NEGR1: variants seen among roughly 807,000 people sequenced by gnomAD.
The protein encoded by NEGR1 is IgLON family member 4.
NEGR1 carries 10 observed loss-of-function variants against 40.9 expected under a neutral mutation model. The observed-to-expected ratio is 0.24, with a 90% CI of 0.15 to 0.42. The LOEUF is 0.42. Ranked by LOEUF, NEGR1 falls within the 10% of genes least tolerant of loss-of-function variation. NEGR1 has a pLI of 1.00. For missense variants in NEGR1, 352 were observed against 438.9 expected, an observed-to-expected ratio of 0.80 and a Z score of 1.77; for synonymous variants, 185 against 166.8, an observed-to-expected ratio of 1.11 and a Z score of -0.84.
chr1:71,776,434 G>A (rs1197129996), intron 2 of NEGR1, 137 bp from the exon 3 acceptor site: 4 of 408,028 alleles, frequency 9.8e-6, no homozygotes, highest in African/African-American at 8.3e-5. Flanking sequence ...TCACCTGAAA[G>A]ATGGATTCTC....
chr1:71,959,451 TTCTC>T (rs1255761292), intron 1 of NEGR1, among the ~76,000 whole-genome samples: 2 of 152,112 alleles, frequency 1.3e-5, no homozygotes, highest in Non-Finnish European at 2.9e-5. Flanking sequence ...ATAACTCACT[TTCTC>T]TATATATCTC....
chr1:71,703,483 C>G (rs1013805156), intron 3 of NEGR1: 2 of 146,136 alleles, frequency 1.4e-5, no homozygotes, highest in Non-Finnish European at 3.0e-5. Context: ...TAGAAAGAGA[C>G]CTAGAAATGA....
At chr1:71,608,794 C>A (rs1425384104) in intron 5 of NEGR1, among the ~76,000 whole-genome samples, 2 of 152,200 alleles carry the variant, frequency 1.3e-5, no homozygotes, top group Non-Finnish European at 2.9e-5. Context: ...AGAATTGAGG[C>A]TCCATTTACC....
At chr1:71,531,833 TG>T (rs1158538821) in intron 6 of NEGR1, among the ~76,000 whole-genome samples, 1 of 151,420 alleles carries the variant, frequency 6.6e-6, no homozygotes, top group East Asian at 2.0e-4. Flanking sequence ...TGCTCAAACA[TG>T]TTTCATTTTG....
intron 1 of NEGR1, among the ~76,000 whole-genome samples, chr1:72,163,501 A>T (rs1245171731): frequency 6.6e-6 from 1 of 152,140 alleles, no homozygotes; most frequent in African/African-American, 2.4e-5. Flanking sequence ...AATCTGAAGA[A>T]CAAGTAAAGC....
In NEGR1 at chr1:72,018,234, G is replaced by T. The variant is rs193256482; in HGVS notation, c.177-82923C>A. 1.9e-3 allele frequency among the ~76,000 whole-genome samples: 293 copies of T among 152,208 alleles called. 4 individuals are homozygous for T. The highest frequency in any genetic ancestry group is 7.0e-3 in the African/African-American group (290 of 41,538). ...AATATTTATTGAAAGACTACTATGA[G>T]CCAGATATTTTCCTAAGGACTAGAA... On this transcript the variant is annotated intron_variant, in intron 1 of 6. Transcript: ENST00000357731.
chr1:71,574,137 T>C (rs763632721), intron 6 of NEGR1, among the ~76,000 whole-genome samples: 10 of 152,186 alleles, frequency 6.6e-5, no homozygotes, highest in Non-Finnish European at 1.3e-4. Flanking sequence ...TTCTGGAAAA[T>C]ACTAGGTTCC....
At chr1:72,280,853 G>A (rs1324979831) in intron 1 of NEGR1, among the ~76,000 whole-genome samples, 4 of 152,084 alleles carry the variant, frequency 2.6e-5, no homozygotes, top group Admixed American at 2.0e-4. Context: ...CATGTACACT[G>A]ATGTTGTGCA....
intron 3 of NEGR1, 100 bp from the exon 4 acceptor site, chr1:71,698,239 C>A (rs1044271386): frequency 7.8e-6 from 8 of 1,021,910 alleles, no homozygotes; most frequent in Non-Finnish European, 1.0e-5. Flanking sequence ...GCTGACAAAA[C>A]AATTCCAAAT....
At chr1:72,178,438 A>T (rs1376292697) in intron 1 of NEGR1, among the ~76,000 whole-genome samples, 1 of 151,348 alleles carries the variant, frequency 6.6e-6, no homozygotes, top group Non-Finnish European at 1.5e-5. Flanking sequence ...CTTGCCCTCT[A>T]CCTATTCTGC....
At chr1:71,869,174 A>G (rs1232897302) in intron 2 of NEGR1, among the ~76,000 whole-genome samples, 1 of 152,208 alleles carries the variant, frequency 6.6e-6, no homozygotes. Context: ...CCTGGATTAA[A>G]TCTGTTGTTA....
chr1:72,037,061 C>G (rs559038819), intron 1 of NEGR1, among the ~76,000 whole-genome samples: 2 of 152,198 alleles, frequency 1.3e-5, no homozygotes, highest in South Asian at 4.1e-4. Context: ...GGATGTTGCT[C>G]TTACCTATGA....
At chr1:72,002,118 T>G (rs1646563004) in intron 1 of NEGR1, among the ~76,000 whole-genome samples, 1 of 152,148 alleles carries the variant, frequency 6.6e-6, no homozygotes, top group South Asian at 2.1e-4. Flanking sequence ...GTTTTTTGAT[T>G]ATATGTGAAA....
At chr1:71,747,636 T>C (rs1036643805) in intron 3 of NEGR1, among the ~76,000 whole-genome samples, 3 of 152,012 alleles carry the variant, frequency 2.0e-5, no homozygotes, top group African/African-American at 7.2e-5. Context: ...TGTTGGCCAG[T>C]CTGGTCTCAA....
chr1:72,020,376 C>T (rs1022795067), intron 1 of NEGR1, among the ~76,000 whole-genome samples: 4 of 152,040 alleles, frequency 2.6e-5, no homozygotes, highest in South Asian at 2.1e-4. Flanking sequence ...TCTTCCATAA[C>T]GTCAGGATTC....
chr1:71,748,993 A>G (rs1250912919), intron 3 of NEGR1, among the ~76,000 whole-genome samples: 2 of 152,216 alleles, frequency 1.3e-5, no homozygotes, highest in Non-Finnish European at 2.9e-5. Context: ...AAATAAGATC[A>G]TAGTATTTTT....
intron 1 of NEGR1, among the ~76,000 whole-genome samples, chr1:72,281,554 A>T (rs1321655246): frequency 1.3e-5 from 2 of 151,982 alleles, no homozygotes; most frequent in African/African-American, 4.8e-5. Context: ...GAGTCAAAAG[A>T]GGGAAGACAG....
chr1:71,426,767 A>T (rs1027900978), intron 6 of NEGR1, among the ~76,000 whole-genome samples: 12 of 152,230 alleles, frequency 7.9e-5, no homozygotes, highest in African/African-American at 2.7e-4. Flanking sequence ...TAATTGAAAA[A>T]TTCCTATCTG....
intron 1 of NEGR1, among the ~76,000 whole-genome samples, chr1:72,207,390 T>A (rs1653448651): frequency 6.6e-6 from 1 of 151,808 alleles, no homozygotes; most frequent in Non-Finnish European, 1.5e-5. Context: ...GCTCTCACTT[T>A]GAACTTCTAA....
Sources: gnomAD v4.1 joint callset for allele counts (sites outside exome capture counted in the v4.1 genomes callset) on GRCh38, gnomAD v4.1.1 for gene constraint, MANE v1.5 for transcripts, NCBI Gene and HGNC (gene_info 2026-07-23, HGNC 2026-07-21) for gene names.